The following RBFOX3 variants were observed in gnomAD, a reference collection of about 807,000 sequenced individuals.
RBFOX3 encodes the protein RNA binding fox-1 homolog 3.
In RBFOX3, 17 loss-of-function variants were observed where a neutral mutation model predicts 48.7. That is an observed-to-expected ratio of 0.35 (90% CI 0.24 to 0.52). The LOEUF (loss-of-function observed/expected upper bound fraction) is 0.52, where lower values mean the gene tolerates loss of function less well. RBFOX3 is among the 20% of genes least tolerant of loss of function. RBFOX3 has a pLI of 0.94. For synonymous variants in RBFOX3, 212 were observed against 209.5 expected (o/e 1.01, Z -0.10); for missense variants, 382 against 497.5 (o/e 0.77, Z 2.21).
chr17:79,268,530 C>G lies in RBFOX3; in HGVS notation c.-73-32725G>C, dbSNP rs571861072. ...TCTTCTGCCCTCTGAGCTCCAGCCA[C>G]AGTTCCCAGGCCAGTCCTCTGCCAT... On this transcript the variant is annotated intron_variant, in intron 3 of 14. Coordinates refer to ENST00000693108, the MANE Select transcript of RBFOX3 (RefSeq NM_001350451.2). 2.6e-3 allele frequency among the ~76,000 whole-genome samples: 401 copies of G among 152,332 alleles called. 1 individual carries two copies. The highest frequency in any genetic ancestry group is 9.3e-3 in the African/African-American group (386 of 41,572).
chr17:79,093,435 C>A (rs113574474), intron 14 of RBFOX3, among the ~76,000 whole-genome samples: 1,675 of 152,204 alleles, frequency 0.011, 32 homozygotes, highest in African/African-American at 0.035. Context: ...GCACGGAGGG[C>A]CCAAGAGCCA....
At chr17:79,627,966 C>T in the RBFOX3 span, among the ~76,000 whole-genome samples, 1 of 151,440 alleles carries the variant, frequency 6.6e-6, no homozygotes, top group African/African-American at 2.4e-5. Flanking sequence ...GCCCCCATCA[C>T]TCCCCTGGGC....
chr17:79,468,746 TAGAC>T (rs1375453788), intron 2 of RBFOX3, among the ~76,000 whole-genome samples: 7 of 146,306 alleles, frequency 4.8e-5, no homozygotes, highest in South Asian at 2.2e-4. Flanking sequence ...GGCAGGCAGA[TAGAC>T]AGGAGGATGG....
At chr17:79,127,732 C>T (rs754061793) in intron 4 of RBFOX3, among the ~76,000 whole-genome samples, 2 of 152,184 alleles carry the variant, frequency 1.3e-5, no homozygotes, top group Non-Finnish European at 2.9e-5. Flanking sequence ...ATGATTAAAG[C>T]TGCACTGGGC....
intron 4 of RBFOX3, among the ~76,000 whole-genome samples, chr17:79,177,571 G>A (rs1194227018): frequency 2.0e-5 from 3 of 152,202 alleles, no homozygotes; most frequent in African/African-American, 4.8e-5. Context: ...ACCGGTTGGA[G>A]AGCCAGGGGG....
chr17:79,103,135 C>G lies in RBFOX3; in HGVS notation c.507+27G>C. 1.3e-6 allele frequency: 2 copies of G among 1,522,882 alleles called. No homozygotes were observed. The highest frequency in any genetic ancestry group is 1.8e-6 in the Non-Finnish European group (2 of 1,121,428). 94.3% of individuals were successfully genotyped at this position (1,522,882 alleles called of 1,614,324 possible). A position where few individuals can be genotyped will look rare whatever the true frequency, so the allele number is the denominator to read the frequency against. ...GGCAGGTGGGCGATCTTGGGGCATC[C>G]CTGCCGCAGCACACTTATCTGAGCA... is the stretch of plus-strand genomic sequence containing the variant. On this transcript the variant is annotated intron_variant, in intron 8 of 14. Coordinates refer to ENST00000693108, the MANE Select transcript of RBFOX3 (RefSeq NM_001350451.2). This position sits in a 1 kb window ranked among gnomAD's most constrained non-coding sequence, Gnocchi z 6.1.
intron 1 of RBFOX3, among the ~76,000 whole-genome samples, chr17:79,555,525 G>A (rs1280747840): frequency 2.1e-5 from 3 of 143,354 alleles, no homozygotes; most frequent in African/African-American, 5.8e-5. Flanking sequence ...TGGTGGTGAT[G>A]GTAGTTGTGG....
At chr17:79,369,516 G>A (rs1211326131) in intron 2 of RBFOX3, among the ~76,000 whole-genome samples, 1 of 152,002 alleles carries the variant, frequency 6.6e-6, no homozygotes, top group African/African-American at 2.4e-5. Flanking sequence ...CATACACAAG[G>A]CGCCTCCTCC....
chr17:79,112,636 C>A (rs1301941659), intron 5 of RBFOX3, among the ~76,000 whole-genome samples: 1 of 152,096 alleles, frequency 6.6e-6, no homozygotes, highest in African/African-American at 2.4e-5. Flanking sequence ...GGCCCCCGGG[C>A]CTGGACAGGA....
intron 2 of RBFOX3, among the ~76,000 whole-genome samples, chr17:79,448,092 C>G (rs185139629): frequency 6.6e-6 from 1 of 152,208 alleles, no homozygotes; most frequent in Admixed American, 6.5e-5. Flanking sequence ...TCTGGTACAA[C>G]CTGTGGAACT....
intron 1 of RBFOX3, among the ~76,000 whole-genome samples, chr17:79,529,939 G>A (rs1272887341): frequency 6.6e-6 from 1 of 152,232 alleles, no homozygotes; most frequent in East Asian, 1.9e-4. Flanking sequence ...CTGCTGCATG[G>A]CACAGCCACG....
intron 5 of RBFOX3, among the ~76,000 whole-genome samples, chr17:79,107,555 T>A (rs1327170848): frequency 1.3e-5 from 2 of 152,170 alleles, no homozygotes; most frequent in Non-Finnish European, 2.9e-5. Flanking sequence ...TCTTCTCCAG[T>A]GGACTGGCCG....
At chr17:79,368,959 C>T (rs981554005) in intron 2 of RBFOX3, among the ~76,000 whole-genome samples, 6 of 152,170 alleles carry the variant, frequency 3.9e-5, no homozygotes, top group African/African-American at 9.7e-5. Context: ...ATGGGCTTCA[C>T]GAAGGCAGGA....
intron 3 of RBFOX3, among the ~76,000 whole-genome samples, chr17:79,255,909 G>A (rs2064756280): frequency 6.6e-6 from 1 of 151,026 alleles, no homozygotes; most frequent in Non-Finnish European, 1.5e-5. Context: ...TTGGGGCTGG[G>A]GATCCTGGAC....
chr17:79,316,041 G>A (rs1410058247), intron 2 of RBFOX3, among the ~76,000 whole-genome samples: 2 of 152,176 alleles, frequency 1.3e-5, no homozygotes, highest in East Asian at 3.9e-4. Flanking sequence ...TGTGCCCCCT[G>A]CTGCTGGCAC....
chr17:79,121,636 T>C (rs2035766599), intron 4 of RBFOX3, among the ~76,000 whole-genome samples: 1 of 152,164 alleles, frequency 6.6e-6, no homozygotes, highest in African/African-American at 2.4e-5. Flanking sequence ...GCATTAGCCA[T>C]AGTTGGTGGC....
At position 79,112,905 on chromosome 17, in the gene RBFOX3, G is replaced by GGGGC. The variant is rs72324974; in HGVS notation, c.222+2588_222+2589insGCCC. On this transcript the variant is annotated intron_variant, in intron 5 of 14. Transcript: ENST00000693108. Reference sequence around the variant, plus strand: ...GTGCCAACCTGGGCAGCAGGCTCTCGGGGGGGGGGTGGGCTGGGTAGGACT... The same window carrying GGGGC: ...GTGCCAACCTGGGCAGCAGGCTCTCGGGGCGGGGGGGGGTGGGCTGGGTAGGACT... 5.1e-3 allele frequency among the ~76,000 whole-genome samples: 540 copies of GGGGC among 105,996 alleles called. 7 individuals are homozygous for GGGGC. The highest frequency in any genetic ancestry group is 0.01 in the African/African-American group (250 of 24,902). The allele number at this position is 105,996 out of a possible 152,430, so 69.5% of individuals were successfully genotyped here.
chr17:79,301,923 C>T (rs543409257), intron 3 of RBFOX3, among the ~76,000 whole-genome samples: 10 of 152,196 alleles, frequency 6.6e-5, no homozygotes, highest in South Asian at 2.1e-4. Flanking sequence ...AGAGATGGAA[C>T]GCAGGATGGA....
chr17:79,350,004 A>G (rs1370764242), intron 2 of RBFOX3, among the ~76,000 whole-genome samples: 1 of 152,158 alleles, frequency 6.6e-6, no homozygotes, highest in Admixed American at 6.5e-5. Flanking sequence ...CGTCCATGCC[A>G]CCAAAGTCGT....
Sources: allele counts gnomAD v4.1 joint callset (sites outside exome capture counted in the v4.1 genomes callset), GRCh38; gene constraint gnomAD v4.1.1; non-coding constraint Gnocchi (gnomAD v3.1); transcripts MANE v1.5; gene names NCBI Gene and HGNC (gene_info 2026-07-23, HGNC 2026-07-21).